PIGL: variants seen among roughly 807,000 people sequenced by gnomAD.
PIGL encodes N-acetylglucosaminyl-phosphatidylinositol de-N-acetylase.
In PIGL, 22 loss-of-function variants were observed where a neutral mutation model predicts 31.1. That is an observed-to-expected ratio of 0.71 (90% CI 0.51 to 1.01). PIGL has a LOEUF of 1.01. Ranked by LOEUF, PIGL falls within the 50% of genes least tolerant of loss-of-function variation. The pLI is 0.00. For missense variants in PIGL, 302 were observed against 315.9 expected (o/e 0.96, Z 0.33); for synonymous variants, 131 against 117.4 (o/e 1.12, Z -0.75).
intron 2 of PIGL, among the ~76,000 whole-genome samples, chr17:16,279,231 CA>C (rs1212780322): frequency 6.6e-6 from 1 of 152,142 alleles, no homozygotes; most frequent in African/African-American, 2.4e-5. Context: ...GAATTCAAGG[CA>C]AATCCAAAGA....
At chr17:16,246,979 G>A (rs1298896361) in intron 2 of PIGL, among the ~76,000 whole-genome samples, 7 of 151,992 alleles carry the variant, frequency 4.6e-5, no homozygotes, top group Non-Finnish European at 7.4e-5. Context: ...GTGAGCCACC[G>A]CGCCCGGCCC....
chr17:16,278,322 C>T (rs2092903887), intron 2 of PIGL, among the ~76,000 whole-genome samples: 1 of 152,208 alleles, frequency 6.6e-6, no homozygotes, highest in African/African-American at 2.4e-5. Context: ...CTCCTGAACT[C>T]AGGTGATCCA....
intron 2 of PIGL, among the ~76,000 whole-genome samples, chr17:16,274,450 C>T (rs527270096): frequency 1.1e-4 from 17 of 152,200 alleles, no homozygotes; most frequent in East Asian, 1.9e-4. Flanking sequence ...AGGCCGGGTG[C>T]GGTGACTCAC....
chr17:16,238,164 C>G (rs538158280), intron 2 of PIGL, among the ~76,000 whole-genome samples: 1 of 148,650 alleles, frequency 6.7e-6, no homozygotes, highest in African/African-American at 2.5e-5. Context: ...CCATTGCACT[C>G]CAGCCTGGGT....
At chr17:16,228,480 G>A (rs1024466496) in intron 1 of PIGL, among the ~76,000 whole-genome samples, 20 of 152,058 alleles carry the variant, frequency 1.3e-4, no homozygotes, top group African/African-American at 4.8e-4. Context: ...CGCCTCCCGG[G>A]TTTACTTACA....
At chr17:16,234,119 GTGATATAC>G (rs774578035) in intron 2 of PIGL, 49 bp downstream of exon 2, 12 of 1,034,668 alleles carry the variant, frequency 1.2e-5, no homozygotes, top group Non-Finnish European at 1.8e-5. Context: ...TAAATATGCA[GTGATATAC>G]TCAAAAGACA....
At chr17:16,241,131 A>AAT (rs2092721465) in intron 2 of PIGL, among the ~76,000 whole-genome samples, 1 of 151,104 alleles carries the variant, frequency 6.6e-6, no homozygotes. Context: ...AAAAAAAAAA[A>AAT]AAAAAGAAGT....
At chr17:16,304,765 A>C (rs1441413928) in intron 3 of PIGL, among the ~76,000 whole-genome samples, 1 of 152,130 alleles carries the variant, frequency 6.6e-6, no homozygotes, top group African/African-American at 2.4e-5. Context: ...TTAAGTACCC[A>C]ATATGGGACA....
intron 5 of PIGL, chr17:16,317,200 C>T (rs1021991574): frequency 2.1e-5 from 21 of 1,004,510 alleles, no homozygotes; most frequent in African/African-American, 5.2e-5. Flanking sequence ...CGGCGCAATA[C>T]GAAGATTCAA....
At chr17:16,275,737 A>G (rs1283065426) in intron 2 of PIGL, among the ~76,000 whole-genome samples, 1 of 152,074 alleles carries the variant, frequency 6.6e-6, no homozygotes, top group Non-Finnish European at 1.5e-5. Context: ...AAGTGTCAGT[A>G]TGGAGGCTGG....
rs58866950 is a variant in PIGL at position 16,264,010 on chromosome 17, ATT to A, written c.335+29961_335+29962del. 6.2e-3 allele frequency among the ~76,000 whole-genome samples: 265 copies of A among 42,816 alleles called. 5 individuals are homozygous for A. Among genetic ancestry groups the A allele is most frequent in the Middle Eastern group, 0.015 (1 of 68 alleles). The allele number at this position is 42,816 out of a possible 152,430, so 28.1% of individuals were successfully genotyped here. The stretch of plus-strand genomic sequence containing the variant: ...GTGCCCCCACCACCACTCCTGGCTG[ATT>A]TTTTTTTTTTTTTTTTTTTTGAGAC... On this transcript the variant is annotated intron_variant, in intron 2 of 6. Transcript: ENST00000225609.
chr17:16,324,862 A>G (rs890668187), intron 6 of PIGL, among the ~76,000 whole-genome samples: 6 of 152,084 alleles, frequency 3.9e-5, no homozygotes, highest in African/African-American at 1.4e-4. Context: ...GATAATGTAC[A>G]TTTCCCCTAG....
intron 1 of PIGL, chr17:16,217,772 T>A (rs904119891): frequency 3.0e-5 from 10 of 331,294 alleles, no homozygotes; most frequent in Non-Finnish European, 5.6e-5. Context: ...GGAACTTTTT[T>A]TTATTTGTAG....
At chr17:16,234,847 T>A (rs898904308) in intron 2 of PIGL, among the ~76,000 whole-genome samples, 5 of 152,232 alleles carry the variant, frequency 3.3e-5, no homozygotes, top group Non-Finnish European at 7.3e-5. Context: ...TGTTCGGATT[T>A]TTTTTCCTGA....
At chr17:16,286,353 G>C (rs974743586) in intron 2 of PIGL, among the ~76,000 whole-genome samples, 3 of 152,172 alleles carry the variant, frequency 2.0e-5, no homozygotes, top group African/African-American at 4.8e-5. Flanking sequence ...TGGGCCCCTG[G>C]GCTTGCTTAG....
chr17:16,300,781 CAG>C (rs1334444814), intron 3 of PIGL, among the ~76,000 whole-genome samples: 1 of 151,982 alleles, frequency 6.6e-6, no homozygotes, highest in Non-Finnish European at 1.5e-5. Context: ...GTGGTGAAGC[CAG>C]GATTTTTAAG....
At chr17:16,313,516 C>T (rs778346391) in intron 3 of PIGL, 31 bp from the exon 4 acceptor site, 1 of 1,529,532 alleles carries the variant, frequency 6.5e-7, no homozygotes, top group Non-Finnish European at 9.1e-7. Flanking sequence ...GTGGAGAAGG[C>T]ATTCAGTGAA....
chr17:16,243,140 T>A (rs530601681), intron 2 of PIGL, among the ~76,000 whole-genome samples: 6 of 152,272 alleles, frequency 3.9e-5, no homozygotes, highest in African/African-American at 1.4e-4. Flanking sequence ...AACCTCCACC[T>A]CTCGGGTTCA....
At chr17:16,233,440 A>G (rs1228604498) in intron 1 of PIGL, among the ~76,000 whole-genome samples, 1 of 152,180 alleles carries the variant, frequency 6.6e-6, no homozygotes, top group East Asian at 1.9e-4. Flanking sequence ...ATAGCTGGCT[A>G]TGAAACTCTT....
Sources: gnomAD v4.1 joint callset for allele counts (sites outside exome capture counted in the v4.1 genomes callset) on GRCh38, gnomAD v4.1.1 for gene constraint, MANE v1.5 for transcripts, NCBI Gene and HGNC (gene_info 2026-07-23, HGNC 2026-07-21) for gene names.